CHSY1: variants seen among roughly 807,000 people sequenced by gnomAD.
CHSY1 encodes chondroitin sulfate synthase 1.
CHSY1 carries 13 observed loss-of-function variants against 59.8 expected under a neutral mutation model. That is an observed-to-expected ratio of 0.22 (90% CI 0.14 to 0.35). The LOEUF is 0.35. CHSY1 is among the 10% of genes least tolerant of loss of function. The pLI, the probability that CHSY1 is intolerant of heterozygous loss-of-function variation, is 1.00. For missense variants in CHSY1, 947 were observed against 1,030.6 expected (o/e 0.92, Z 1.11); for synonymous variants, 459 against 401.2 (o/e 1.14, Z -1.72).
chr15:101,220,562 G>A (rs1222066043), intron 2 of CHSY1, among the ~76,000 whole-genome samples: 1 of 152,178 alleles, frequency 6.6e-6, no homozygotes, highest in Non-Finnish European at 1.5e-5. Flanking sequence ...CTTCGCAGAT[G>A]TATCAGCATG....
intron 2 of CHSY1, among the ~76,000 whole-genome samples, chr15:101,204,316 C>T (rs1251148691): frequency 6.6e-6 from 1 of 151,848 alleles, no homozygotes; most frequent in African/African-American, 2.4e-5. Context: ...CACCTGTAAT[C>T]CCAGCTACTC....
At chr15:101,234,198 T>C (rs1567105722) in intron 2 of CHSY1, among the ~76,000 whole-genome samples, 1 of 152,230 alleles carries the variant, frequency 6.6e-6, no homozygotes, top group African/African-American at 2.4e-5. Context: ...AACTCAGAAG[T>C]TGCACGACAA....
In CHSY1 at chr15:101,176,320, G is replaced by T. The variant is rs894839051; in HGVS notation, c.*1068C>A. On this transcript the variant is annotated 3_prime_UTR_variant, in exon 3 of 3. Coordinates refer to ENST00000254190, the MANE Select transcript of CHSY1 (RefSeq NM_014918.5). ...TCCACCCACATAACACAGACAGGAT[G>T]AAAGGAACAAAACCAAATACATTTT... 2 of 398,456 alleles carry T rather than the reference G, an allele frequency of 5.0e-6. No homozygotes were observed. Among genetic ancestry groups the T allele is most frequent in the Non-Finnish European group, 8.8e-6 (2 of 226,056 alleles). 24.7% of individuals were successfully genotyped at this position (398,456 alleles called of 1,614,324 possible). A position where few individuals can be genotyped will look rare whatever the true frequency, so the allele number is the denominator to read the frequency against.
chr15:101,229,451 T>G (rs2038871895), intron 2 of CHSY1, among the ~76,000 whole-genome samples: 1 of 152,178 alleles, frequency 6.6e-6, no homozygotes, highest in African/African-American at 2.4e-5. Flanking sequence ...AGACAAAAAT[T>G]GTTACTAGAA....
intron 1 of CHSY1, 100 bp from the exon 2 acceptor site, chr15:101,235,677 A>G (rs2038934342): frequency 4.4e-6 from 6 of 1,359,320 alleles, no homozygotes; most frequent in Non-Finnish European, 6.2e-6. Context: ...GTTCAATGGA[A>G]TGATAAAAAG....
chr15:101,249,057 C>T (rs2039080506), intron 1 of CHSY1, among the ~76,000 whole-genome samples: 1 of 151,578 alleles, frequency 6.6e-6, no homozygotes, highest in Admixed American at 6.6e-5. Context: ...CCCGCCTCGG[C>T]CTCCCAAAGT....
rs779863564 is a variant in CHSY1, at chr15:101,178,639, C to T, written c.1158G>A (p.Ser386=). Residue 386 remains serine (S), a synonymous_variant, in exon 3 of 3, where the codon TCG becomes TCA. Coordinates refer to ENST00000254190, the MANE Select transcript of CHSY1 (RefSeq NM_014918.5). ...WEFLTGKYLY[S]AVDGQPPRRG... The stretch of plus-strand genomic sequence containing the variant: ...TTCGAGGGGGCTGGCCGTCAACTGC[C>T]GAATACAAGTATTTTCCAGTCAGAA... The T allele has an allele frequency of 4.1e-5, 66 of 1,614,080 alleles. No individual in the cohort carries two copies. The highest frequency in any genetic ancestry group is 3.1e-4 in the South Asian group (28 of 91,082).
In CHSY1 at chr15:101,213,420, G is replaced by GA. The variant is rs926608931; in HGVS notation, c.816+21661dup. Among the ~76,000 whole-genome samples, 689 of 151,004 alleles carry GA rather than the reference G, an allele frequency of 4.6e-3. 3 individuals carry two copies. The highest frequency in any genetic ancestry group is 0.016 in the African/African-American group (662 of 41,198). Reference sequence around the variant, plus strand: ...AAAAAAACAAAAAGCATCGAAACTGGAAAAAAAAATTAGAAGAGGCTGACC... The same window carrying GA: ...AAAAAAACAAAAAGCATCGAAACTGGAAAAAAAAAATTAGAAGAGGCTGACC... On this transcript the variant is annotated intron_variant, in intron 2 of 2. Transcript: ENST00000254190.
chr15:101,198,725 C>T (rs1284594831), intron 2 of CHSY1, among the ~76,000 whole-genome samples: 2 of 152,330 alleles, frequency 1.3e-5, no homozygotes, highest in East Asian at 1.9e-4. Context: ...GGGCAGGGGT[C>T]GGCACACTAC....
At chr15:101,240,594 A>G (rs2038991549) in intron 1 of CHSY1, among the ~76,000 whole-genome samples, 1 of 152,248 alleles carries the variant, frequency 6.6e-6, no homozygotes, top group Admixed American at 6.5e-5. Context: ...CTAGGTTTCT[A>G]AACGCTATTC....
rs890266486 is a variant in CHSY1 at position 101,214,074 on chromosome 15, C to A, written c.816+21008G>T. Among the ~76,000 whole-genome samples the A allele has an allele frequency of 6.6e-5, 10 of 152,290 alleles. No individual in the cohort carries two copies. In the South Asian group the frequency reaches 1.4e-3, roughly 22 times the overall value. On this transcript the variant is annotated intron_variant, in intron 2 of 2. Coordinates refer to ENST00000254190, the MANE Select transcript of CHSY1 (RefSeq NM_014918.5). ...TCCATCACCTGTGGGGCTGGTGGGG[C>A]AAAAGCCTGTGAAATGGCATCTGGC...
chr15:101,177,429 T>C lies in CHSY1; in HGVS notation c.2368A>G (p.Ser790Gly). ...GAGCCATTATTATTGCTGCTTTTACTGTAACTTGGATCATTTTTTTCCAGC... is the reference window on the plus strand; with the variant it reads ...GAGCCATTATTATTGCTGCTTTTACCGTAACTTGGATCATTTTTTTCCAGC... ...MWLEKNDPSYSKSSNNNGSVR... is the reference protein window; with the variant it reads ...MWLEKNDPSYGKSSNNNGSVR... The change falls in exon 3 of 3, where the codon AGT becomes GGT. Residue 790 changes from serine to glycine, a missense_variant. Physicochemically the swap from Ser to Gly is moderately conservative, Grantham distance 56. Around this residue, in one of 4 missense-constraint regions of CHSY1, gnomAD observed 602 missense variants for 676.9 expected, o/e 0.89. Coordinates refer to ENST00000254190, the MANE Select transcript of CHSY1 (RefSeq NM_014918.5). 1 of 1,613,652 alleles carries C rather than the reference T, an allele frequency of 6.2e-7. No homozygotes were observed. The highest frequency in any genetic ancestry group is 8.5e-7 in the Non-Finnish European group (1 of 1,179,860).
At chr15:101,242,283 C>G (rs1191879426) in intron 1 of CHSY1, among the ~76,000 whole-genome samples, 1 of 152,210 alleles carries the variant, frequency 6.6e-6, no homozygotes, top group Non-Finnish European at 1.5e-5. Flanking sequence ...CTGGTGGAGG[C>G]TGCCCTGCCC....
At chr15:101,206,759 CAG>C (rs1326275558) in intron 2 of CHSY1, among the ~76,000 whole-genome samples, 1 of 152,194 alleles carries the variant, frequency 6.6e-6, no homozygotes, top group African/African-American at 2.4e-5. Flanking sequence ...GCCATAATGG[CAG>C]AGAGAGTGAA....
rs1224827763 is a variant in CHSY1 at position 101,225,302 on chromosome 15, A to C, written c.816+9780T>G. The stretch of plus-strand genomic sequence containing the variant: ...AGGCTGGTCTTGAACTCCTGGGCTC[A>C]AGTGATTCTCCCACCTTGGTGCTGC... On this transcript the variant is annotated intron_variant, in intron 2 of 2. Coordinates refer to ENST00000254190, the MANE Select transcript of CHSY1 (RefSeq NM_014918.5). 5.9e-5 allele frequency among the ~76,000 whole-genome samples: 9 copies of C among 151,982 alleles called. No individual in the cohort carries two copies. In the South Asian group the frequency reaches 1.9e-3, roughly 32 times the overall value.
At chr15:101,199,243 C>T (rs1048670559) in intron 2 of CHSY1, among the ~76,000 whole-genome samples, 1 of 152,206 alleles carries the variant, frequency 6.6e-6, no homozygotes, top group Non-Finnish European at 1.5e-5. Context: ...GTGGCTCATG[C>T]CTGTAATCCC....
intron 2 of CHSY1, among the ~76,000 whole-genome samples, chr15:101,232,561 C>T (rs769499917): frequency 2.0e-5 from 3 of 152,120 alleles, no homozygotes; most frequent in African/African-American, 4.8e-5. Context: ...AAAACATATT[C>T]GTGACCTAAG....
chr15:101,217,952 GATCAAGGTCAAC>G (rs1419131961), intron 2 of CHSY1, among the ~76,000 whole-genome samples: 6 of 152,204 alleles, frequency 3.9e-5, no homozygotes, highest in African/African-American at 1.4e-4. Flanking sequence ...TCAGTCAAGT[GATCAAGGTCAAC>G]ATCAACAACG....
At chr15:101,204,718 AC>A (rs1283272825) in intron 2 of CHSY1, among the ~76,000 whole-genome samples, 2 of 152,034 alleles carry the variant, frequency 1.3e-5, no homozygotes, top group Non-Finnish European at 2.9e-5. Flanking sequence ...AGCCTGACTG[AC>A]ATAATGAAAC....
Sources: allele counts gnomAD v4.1 joint callset (sites outside exome capture counted in the v4.1 genomes callset), GRCh38; gene constraint gnomAD v4.1.1; regional missense constraint gnomAD v4.1.1; transcripts MANE v1.5; gene names NCBI Gene and HGNC (gene_info 2026-07-23, HGNC 2026-07-21).